Variants in SLC8A1 observed in about 807,000 individuals in gnomAD.
SLC8A1 encodes sodium/calcium exchanger 1.
In SLC8A1, 18 loss-of-function variants were observed where a neutral mutation model predicts 68.3. The ratio of observed to expected loss-of-function variants is 0.26; its 90% CI spans 0.18 to 0.39. SLC8A1 has a LOEUF of 0.39. Among genes scored for constraint, SLC8A1 ranks in the 10% least tolerant of loss-of-function variants. The probability of loss-of-function intolerance (pLI) is 1.00; values close to 1 mark genes in which losing one functional copy is unlikely to be tolerated. For missense variants in SLC8A1, 985 were observed against 1,156.7 expected, an observed-to-expected ratio of 0.85 and a Z score of 2.15; for synonymous variants, 475 against 415.5, an observed-to-expected ratio of 1.14 and a Z score of -1.74.
At position 40,224,107 on chromosome 2, in the gene SLC8A1, T is replaced by C. The variant is rs537104704; in HGVS notation, c.1809-46252A>G. On this transcript the variant is annotated intron_variant, in intron 2 of 7. Transcript: ENST00000406785. The stretch of plus-strand genomic sequence containing the variant: ...TCGCTTCGTAGGGACTCATACATGA[T>C]GTTGCTCGGCAGTGAAATGATAGCT... Among the ~76,000 whole-genome samples the C allele has an allele frequency of 5.9e-5, 9 of 152,284 alleles. No homozygotes were observed. In the South Asian group the frequency reaches 1.2e-3, roughly 21 times the overall value.
chr2:40,225,932 A>C (rs972864293), intron 2 of SLC8A1, among the ~76,000 whole-genome samples: 1 of 152,190 alleles, frequency 6.6e-6, no homozygotes, highest in African/African-American at 2.4e-5. Flanking sequence ...ACTGCTTTGC[A>C]GACAATCCTG....
rs1447852373 is a variant in SLC8A1 at position 40,359,882 on chromosome 2, T to A, written c.1808+68591A>T. 2.7e-5 allele frequency among the ~76,000 whole-genome samples: 4 copies of A among 149,526 alleles called. No individual in the cohort carries two copies. The Admixed American group carries it at 2.7e-4, about 10-fold the overall frequency. On this transcript the variant is annotated intron_variant, in intron 2 of 7. Coordinates refer to ENST00000406785, the Ensembl canonical transcript of SLC8A1. ...GGCTTCATTAAAAATCAACATCTCA[T>A]CAAAAATATGCATTCTGGTTTTAAA... is the stretch of plus-strand genomic sequence containing the variant.
intron 2 of SLC8A1, among the ~76,000 whole-genome samples, chr2:40,343,810 G>A (rs1668435023): frequency 6.6e-6 from 1 of 152,184 alleles, no homozygotes; most frequent in African/African-American, 2.4e-5. Flanking sequence ...TACTGTACTT[G>A]TAATTTTGAA....
chr2:40,118,671 C>T lies in SLC8A1; in HGVS notation c.2438-3042G>A, dbSNP rs1040521519. Among the ~76,000 whole-genome samples, 65 of 97,842 alleles carry T rather than the reference C, an allele frequency of 6.6e-4. 1 individual carries two copies. The highest frequency in any genetic ancestry group is 2.6e-3 in the African/African-American group (63 of 24,368). 64.2% of individuals were successfully genotyped at this position (97,842 alleles called of 152,430 possible). A position where few individuals can be genotyped will look rare whatever the true frequency, so the allele number is the denominator to read the frequency against. On this transcript the variant is annotated intron_variant, in intron 7 of 7. Transcript: ENST00000406785. ...CAGTGGAACATGGAAAGTAAAGGAA[C>T]AAAAGTCTGAGGCAGGAGAAAGCAG...
At chr2:40,221,249 T>C (rs1387132665) in intron 2 of SLC8A1, among the ~76,000 whole-genome samples, 1 of 152,124 alleles carries the variant, frequency 6.6e-6, no homozygotes, top group Non-Finnish European at 1.5e-5. Flanking sequence ...ATAAACATAA[T>C]ACAACACATA....
chr2:40,446,286 T>A (rs1204395534), intron 1 of SLC8A1: 1 of 152,276 alleles, frequency 6.6e-6, no homozygotes, highest in African/African-American at 2.4e-5. Flanking sequence ...GTTTCAAGTA[T>A]AAAATGCATT....
At chr2:40,217,562 T>C (rs1296045848) in intron 2 of SLC8A1, among the ~76,000 whole-genome samples, 1 of 152,172 alleles carries the variant, frequency 6.6e-6, no homozygotes, top group Admixed American at 6.5e-5. Context: ...ACACAATAGA[T>C]GTCATCTTTT....
chr2:40,491,034 G>A (rs1342509646), intron 1 of SLC8A1, among the ~76,000 whole-genome samples: 2 of 152,060 alleles, frequency 1.3e-5, no homozygotes, highest in Non-Finnish European at 2.9e-5. Flanking sequence ...CAACACGAAA[G>A]TGTCTCTCTC....
chr2:40,182,624 C>T (rs1480075868), intron 2 of SLC8A1, among the ~76,000 whole-genome samples: 6 of 152,212 alleles, frequency 3.9e-5, no homozygotes, highest in Non-Finnish European at 8.8e-5. Flanking sequence ...TTCCCAGTCT[C>T]TCTCTTATCT....
chr2:40,241,308 C>T (rs536330706), intron 2 of SLC8A1, among the ~76,000 whole-genome samples: 4 of 152,064 alleles, frequency 2.6e-5, no homozygotes, highest in East Asian at 1.9e-4. Flanking sequence ...TGAGCATACA[C>T]GGACATAAAC....
At chr2:40,199,269 C>T (rs1158406120) in intron 2 of SLC8A1, among the ~76,000 whole-genome samples, 1 of 151,830 alleles carries the variant, frequency 6.6e-6, no homozygotes, top group Non-Finnish European at 1.5e-5. Context: ...GAAATGGACA[C>T]TGCTCACCTT....
At chr2:40,413,478 T>C (rs1335974506) in intron 2 of SLC8A1, among the ~76,000 whole-genome samples, 1 of 152,170 alleles carries the variant, frequency 6.6e-6, no homozygotes, top group African/African-American at 2.4e-5. Flanking sequence ...CTGGAAACCA[T>C]TGCTGATTTT....
exon 8 of SLC8A1, chr2:40,115,044 C>T: frequency 3.3e-6 from 1 of 306,246 alleles, no homozygotes; most frequent in South Asian, 1.1e-4. Flanking sequence ...AAAGATGGCC[C>T]TGCCTCCATG....
At chr2:40,361,822 A>C (rs969935681) in intron 2 of SLC8A1, among the ~76,000 whole-genome samples, 6 of 150,080 alleles carry the variant, frequency 4.0e-5, no homozygotes, top group Admixed American at 1.3e-4. Context: ...AATATTATGC[A>C]CTGAAATGCA....
At chr2:40,329,796 C>T (rs1182396952) in intron 2 of SLC8A1, among the ~76,000 whole-genome samples, 1 of 152,118 alleles carries the variant, frequency 6.6e-6, no homozygotes, top group South Asian at 2.1e-4. Flanking sequence ...CAATCCCATC[C>T]CACTGCATGT....
Position 40,227,728 on chromosome 2 carries a change from C to T in SLC8A1, c.1809-49873G>A, listed in dbSNP as rs962391713. On this transcript the variant is annotated intron_variant, in intron 2 of 7. Transcript: ENST00000406785. ...AAGTTTAATAATAATAATAATAAAT[C>T]TCCTTGATGAGGTTCTTTGGAATTA... is the stretch of plus-strand genomic sequence containing the variant. Among the ~76,000 whole-genome samples the T allele has an allele frequency of 1.3e-5, 2 of 151,984 alleles. 1 individual carries two copies. Among genetic ancestry groups the T allele is most frequent in the Non-Finnish European group, 2.9e-5 (2 of 67,990 alleles).
intron 2 of SLC8A1, among the ~76,000 whole-genome samples, chr2:40,338,364 T>G (rs1411476260): frequency 6.6e-6 from 1 of 152,180 alleles, no homozygotes; most frequent in East Asian, 1.9e-4. Context: ...CATGTATACA[T>G]ACATGTGTAT....
rs190930945 is a variant in SLC8A1, at chr2:40,241,847, A to G, written c.1809-63992T>C. Among the ~76,000 whole-genome samples, 74 of 151,726 alleles carry G rather than the reference A, an allele frequency of 4.9e-4. 1 individual carries two copies. The East Asian group carries it at 0.014, about 29-fold the overall frequency. On this transcript the variant is annotated intron_variant, in intron 2 of 7. Coordinates refer to ENST00000406785, the Ensembl canonical transcript of SLC8A1. ...CTATTTGTTCCAATCTAGTAAGATC[A>G]GATTTATCAACAGACAGAAAAATAG... is the stretch of plus-strand genomic sequence containing the variant.
At chr2:40,104,529 G>T (rs1032982342) in exon 8 of SLC8A1, 1 of 152,070 alleles carries the variant, frequency 6.6e-6, no homozygotes, top group African/African-American at 2.4e-5. Flanking sequence ...TTTCTTGATA[G>T]GTTTCAAAAT....
Sources: allele counts gnomAD v4.1 joint callset (sites outside exome capture counted in the v4.1 genomes callset), GRCh38; gene constraint gnomAD v4.1.1; transcripts MANE v1.5; gene names NCBI Gene and HGNC (gene_info 2026-07-23, HGNC 2026-07-21).